KNTC1: variants seen among roughly 807,000 people sequenced by gnomAD.
The protein encoded by KNTC1 is kinetochore associated 1.
A neutral mutation model predicts 314.4 loss-of-function variants in KNTC1; 253 were observed. The observed-to-expected ratio is 0.80, with a 90% CI of 0.73 to 0.89. The LOEUF is 0.89. Ranked by LOEUF, KNTC1 falls within the 40% of genes least tolerant of loss-of-function variation. The pLI is 0.00. For synonymous variants in KNTC1, 901 were observed against 901.4 expected (o/e 1.00, Z 0.01); for missense variants, 2,475 against 2,572.9 (o/e 0.96, Z 0.82).
At chr12:122,553,679 A>C (rs1963351214) in intron 16 of KNTC1, among the ~76,000 whole-genome samples, 1 of 152,168 alleles carries the variant, frequency 6.6e-6, no homozygotes, top group South Asian at 2.1e-4. Flanking sequence ...AGAGAGTGAA[A>C]AGACATCTGA....
chr12:122,531,975 C>T (rs1370862582), intron 2 of KNTC1, among the ~76,000 whole-genome samples: 8 of 151,512 alleles, frequency 5.3e-5, no homozygotes, highest in South Asian at 4.2e-4. Context: ...CCTCGTGATC[C>T]GCCCGGCTCG....
In KNTC1 at chr12:122,584,462, T is replaced by C. The variant is rs959114629; in HGVS notation, c.3436+12T>C. 3.2e-6 allele frequency: 5 copies of C among 1,585,096 alleles called. No homozygotes were observed. Among genetic ancestry groups the C allele is most frequent in the Non-Finnish European group, 4.3e-6 (5 of 1,162,496 alleles). On this transcript the variant is annotated intron_variant, in intron 35 of 63. Coordinates refer to ENST00000333479, the MANE Select transcript of KNTC1 (RefSeq NM_014708.6). ...CATTTGCAGTCCAGGTGACAATATT[T>C]ATAATATACGTAGTTTTATATTCTC...
In KNTC1 at chr12:122,590,648, T is replaced by C; in HGVS notation, c.4041T>C (p.Gly1347=). The change falls in exon 41 of 64, where the codon GGT becomes GGC. Residue 1347 remains glycine (G), a synonymous_variant. Transcript: ENST00000333479. ...TGGTAGATCTTGACCTGGCGTTGGG[T>C]TACTGCACTCTCTTACCTCAAAAAG... is the stretch of plus-strand genomic sequence containing the variant. ...CRLVDLDLAL[G]YCTLLPQKDV... 6.2e-7 allele frequency: 1 copy of C among 1,613,636 alleles called. No individual in the cohort carries two copies. Among genetic ancestry groups the C allele is most frequent in the Non-Finnish European group, 8.5e-7 (1 of 1,179,664 alleles).
At chr12:122,592,070 C>T (rs1354001409) in intron 42 of KNTC1, among the ~76,000 whole-genome samples, 1 of 152,230 alleles carries the variant, frequency 6.6e-6, no homozygotes, top group Non-Finnish European at 1.5e-5. Flanking sequence ...GCTTGCGGGC[C>T]AGCTGGAGTT....
chr12:122,623,002 T>C (rs1388350805), intron 62 of KNTC1, among the ~76,000 whole-genome samples: 1 of 152,176 alleles, frequency 6.6e-6, no homozygotes, highest in Non-Finnish European at 1.5e-5. Flanking sequence ...TGTAGAGCTA[T>C]TTGGTTGTAA....
At position 122,591,383 on chromosome 12, in the gene KNTC1, T is replaced by C. The variant is rs1870176808; in HGVS notation, c.4175T>C (p.Ile1392Thr). ...GSELASLYQE[I>T]EMGLKFRELS... The stretch of plus-strand genomic sequence containing the variant: ...GAGCTGGCAAGTCTCTATCAGGAAA[T>C]AGAAATGGGGCTTAAGTTCCGTGAA... Residue 1392 changes from isoleucine to threonine, a missense_variant, in exon 42 of 64, where the codon ATA (isoleucine) becomes ACA (threonine). Transcript: ENST00000333479. 3 of 1,612,428 alleles carry C rather than the reference T, an allele frequency of 1.9e-6. No homozygotes were observed. Among genetic ancestry groups the C allele is most frequent in the Non-Finnish European group, 2.5e-6 (3 of 1,178,798 alleles).
chr12:122,617,279 A>AT, intron 57 of KNTC1: 1 of 308,054 alleles, frequency 3.2e-6, no homozygotes, highest in Non-Finnish European at 6.6e-6. Context: ...CTTTTGAGGT[A>AT]TTTTATTATT....
intron 44 of KNTC1, among the ~76,000 whole-genome samples, chr12:122,600,022 A>G (rs1360067691): frequency 6.6e-6 from 1 of 152,162 alleles, no homozygotes; most frequent in African/African-American, 2.4e-5. Context: ...CTGTGTCAAA[A>G]ATAAAAAGGA....
At chr12:122,571,501 G>A (rs763265050) in intron 24 of KNTC1, among the ~76,000 whole-genome samples, 1 of 151,958 alleles carries the variant, frequency 6.6e-6, no homozygotes, top group African/African-American at 2.4e-5. Flanking sequence ...TGGGACTACA[G>A]GTGCGCATCA....
intron 2 of KNTC1, 79 bp downstream of exon 2, chr12:122,530,271 A>G: frequency 2.4e-6 from 3 of 1,267,924 alleles, no homozygotes; most frequent in Non-Finnish European, 3.3e-6. Context: ...CACAGTAAAT[A>G]TTTTGTGAAT....
chr12:122,614,488 G>A (rs1038569236), intron 55 of KNTC1, among the ~76,000 whole-genome samples: 7 of 152,146 alleles, frequency 4.6e-5, no homozygotes, highest in Admixed American at 2.0e-4. Context: ...GGAGACATCC[G>A]AGGTGGTGTC....
chr12:122,535,482 A>G (rs534164013), intron 3 of KNTC1, among the ~76,000 whole-genome samples: 12 of 152,064 alleles, frequency 7.9e-5, no homozygotes, highest in Non-Finnish European at 1.8e-4. Context: ...TTTCTCTACT[A>G]ATATACAAAA....
At chr12:122,615,937 TGCTCTCAAGACATTTTG>T (rs1873716991) in intron 57 of KNTC1, among the ~76,000 whole-genome samples, 1 of 152,170 alleles carries the variant, frequency 6.6e-6, no homozygotes, top group South Asian at 2.1e-4. Flanking sequence ...TCTTTATTTA[TGCTCTCAAGACATTTTG>T]GCTCCACTCT....
chr12:122,574,980 G>A (rs1964921303), intron 27 of KNTC1, among the ~76,000 whole-genome samples: 1 of 152,190 alleles, frequency 6.6e-6, no homozygotes, highest in Non-Finnish European at 1.5e-5. Flanking sequence ...AGAGACTGAG[G>A]CTGGACACAG....
chr12:122,556,009 T>A (rs1481826516), intron 16 of KNTC1, among the ~76,000 whole-genome samples: 1 of 152,222 alleles, frequency 6.6e-6, no homozygotes, highest in South Asian at 2.1e-4. Context: ...TAAAACCTAC[T>A]CTTTTAGCAA....
At chr12:122,530,632 G>A (rs1467590008) in intron 2 of KNTC1, among the ~76,000 whole-genome samples, 1 of 151,586 alleles carries the variant, frequency 6.6e-6, no homozygotes, top group Non-Finnish European at 1.5e-5. Flanking sequence ...TTGTATTTTT[G>A]TAAAGATGGG....
At chr12:122,554,076 A>AAAATATATATATATATATATATAT (rs370146333) in intron 16 of KNTC1, among the ~76,000 whole-genome samples, 5 of 109,048 alleles carry the variant, frequency 4.6e-5, no homozygotes, top group African/African-American at 1.6e-4. Flanking sequence ...AAAAAAAAAA[A>AAAATATATATATATATATATATAT]ATATATATAT....
At chr12:122,607,602 T>C (rs993251750) in intron 51 of KNTC1, among the ~76,000 whole-genome samples, 8 of 152,148 alleles carry the variant, frequency 5.3e-5, no homozygotes, top group African/African-American at 1.9e-4. Context: ...CCCTCACAGG[T>C]GATGTTAATT....
intron 59 of KNTC1, among the ~76,000 whole-genome samples, chr12:122,618,935 A>G (rs116171358): frequency 0.036 from 5,395 of 151,636 alleles, 345 homozygotes; most frequent in African/African-American, 0.12. Flanking sequence ...GCCACGCACC[A>G]CCACGCCCGG....
Sources: gnomAD v4.1 joint callset for allele counts (sites outside exome capture counted in the v4.1 genomes callset) on GRCh38, gnomAD v4.1.1 for gene constraint, MANE v1.5 for transcripts, NCBI Gene and HGNC (gene_info 2026-07-23, HGNC 2026-07-21) for gene names.